MCF2L: variants seen among roughly 807,000 people sequenced by gnomAD.
The protein encoded by MCF2L is MCF.2 cell line derived transforming sequence like.
Under a neutral mutation model 153.4 loss-of-function variants are expected in MCF2L, and 97 were observed. The observed-to-expected ratio is 0.63, with a 90% CI of 0.54 to 0.75. The LOEUF (loss-of-function observed/expected upper bound fraction) is 0.75. MCF2L is among the 30% of genes least tolerant of loss of function. MCF2L has a pLI of 0.00. For missense variants in MCF2L, 1,347 were observed against 1,495.2 expected, an observed-to-expected ratio of 0.90 and a Z score of 1.64; for synonymous variants, 659 against 632.2, an observed-to-expected ratio of 1.04 and a Z score of -0.64.
rs906230462 is a variant in MCF2L at position 112,904,889 on chromosome 13, C to T, written c.169+2518C>T. On this transcript the variant is annotated intron_variant, in intron 2 of 29. Coordinates refer to the MCF2L transcript ENST00000375608. This position sits in a 1 kb window ranked among gnomAD's most constrained non-coding sequence, Gnocchi z 4.2. ...GTGATGAAACCTGTTTGTATCAGAACAATTTCGAAATCAGTGATAGTTTTT... is the reference window on the plus strand; with the variant it reads ...GTGATGAAACCTGTTTGTATCAGAATAATTTCGAAATCAGTGATAGTTTTT... 6.6e-6 allele frequency among the ~76,000 whole-genome samples: 1 copy of T among 152,226 alleles called. No individual in the cohort carries two copies. The highest frequency in any genetic ancestry group is 1.5e-5 in the Non-Finnish European group (1 of 68,038).
intron 2 of MCF2L, among the ~76,000 whole-genome samples, chr13:112,940,309 C>A (rs1053108300): frequency 6.6e-6 from 1 of 152,250 alleles, no homozygotes; most frequent in Non-Finnish European, 1.5e-5. Context: ...TTCACTGTCT[C>A]ATCTGTCTGG....
At position 113,097,251 on chromosome 13, in the gene MCF2L, G is replaced by C. The variant is rs2035740617; in HGVS notation, c.*392G>C. The C allele has an allele frequency of 1.0e-5, 2 of 192,734 alleles. No individual in the cohort carries two copies. Among genetic ancestry groups the C allele is most frequent in the Non-Finnish European group, 2.1e-5 (2 of 94,832 alleles). 11.9% of individuals were successfully genotyped at this position (192,734 alleles called of 1,614,324 possible). ...CAACGGCCTGAGGAGAGCGGGGCAC[G>C]GGGTCTCTTTAGCTTTTACAAGTTT... On this transcript the variant is annotated 3_prime_UTR_variant, in exon 30 of 30. Coordinates refer to ENST00000535094, the MANE Select transcript of MCF2L (RefSeq NM_001112732.3).
At chr13:113,052,600 GC>G in intron 4 of MCF2L, 1 of 165,940 alleles carries the variant, frequency 6.0e-6, no homozygotes. Context: ...AGATGCAGCT[GC>G]CCCACGCATG....
rs189397086 is a variant in MCF2L at position 113,022,468 on chromosome 13, C to T, written c.164-2176C>T. Among the ~76,000 whole-genome samples, 32 of 150,126 alleles carry T rather than the reference C, an allele frequency of 2.1e-4. No individual in the cohort carries two copies. The East Asian group carries it at 5.9e-3, about 28-fold the overall frequency. Reference sequence around the variant, plus strand: ...GGGGGTCTCACACACAGGCAGGGTCCGCCCCCAGCTGCCGTCGGCGTCACT... The same window carrying T: ...GGGGGTCTCACACACAGGCAGGGTCTGCCCCCAGCTGCCGTCGGCGTCACT... On this transcript the variant is annotated intron_variant, in intron 2 of 29. Transcript: ENST00000535094.
rs1245599500 is a variant in MCF2L at position 113,031,613 on chromosome 13, G to A, written c.278+6855G>A. Among the ~76,000 whole-genome samples, 2 of 152,100 alleles carry A rather than the reference G, an allele frequency of 1.3e-5. No homozygotes were observed. Among genetic ancestry groups the A allele is most frequent in the African/African-American group, 4.8e-5 (2 of 41,406 alleles). On this transcript the variant is annotated intron_variant, in intron 3 of 29. Transcript: ENST00000535094. The surrounding 1 kb of genome is among the most constrained non-coding windows in gnomAD (Gnocchi z 5.5). ...GGGTGGAGGGAGGAGCTGGGAGATGGGGAGGAGGGCGGCGGCCCTCAGAGA... is the reference window on the plus strand; with the variant it reads ...GGGTGGAGGGAGGAGCTGGGAGATGAGGAGGAGGGCGGCGGCCCTCAGAGA...
At chr13:112,967,998 T>C (rs948572042), upstream of MCF2L, 1 of 191,414 alleles carries the variant, frequency 5.2e-6, no homozygotes, top group African/African-American at 2.4e-5. Context: ...TGCTGGCGCA[T>C]GTGCACATGT....
At chr13:113,063,652 T>A (rs2031908421) in intron 5 of MCF2L, among the ~76,000 whole-genome samples, 1 of 152,176 alleles carries the variant, frequency 6.6e-6, no homozygotes, top group South Asian at 2.1e-4. Context: ...CACATCATGT[T>A]TTATTAAATA....
Position 113,064,880 on chromosome 13 carries a change from A to G in MCF2L, c.607-56A>G, listed in dbSNP as rs571934933. On this transcript the variant is annotated intron_variant, in intron 6 of 29. Coordinates refer to ENST00000535094, the MANE Select transcript of MCF2L (RefSeq NM_001112732.3). This position sits in a 1 kb window ranked among gnomAD's most constrained non-coding sequence, Gnocchi z 6.0. ...TTCCGCCGGTGTCTGCTTTCAGGGCAGCAGGAGGTGGGTGCAGTGCACAAG... is the reference window on the plus strand; with the variant it reads ...TTCCGCCGGTGTCTGCTTTCAGGGCGGCAGGAGGTGGGTGCAGTGCACAAG... 2,251 of 1,563,834 alleles carry G rather than the reference A, an allele frequency of 1.4e-3. 3 individuals carry two copies. The highest frequency in any genetic ancestry group is 1.8e-3 in the Non-Finnish European group (2,050 of 1,151,566).
At chr13:112,926,359 C>T (rs575789175) in intron 2 of MCF2L, among the ~76,000 whole-genome samples, 17 of 151,582 alleles carry the variant, frequency 1.1e-4, no homozygotes, top group Admixed American at 7.2e-4. Flanking sequence ...GAGTGCTGCA[C>T]GGCCTGGTCT....
intron 1 of MCF2L, among the ~76,000 whole-genome samples, chr13:112,972,686 G>A (rs1438108433): frequency 4.7e-5 from 6 of 128,278 alleles, no homozygotes; most frequent in African/African-American, 1.8e-4. Flanking sequence ...GGTAGATGGA[G>A]GGGTAGGTGG....
rs546918066 is a variant in MCF2L at position 112,960,529 on chromosome 13, C to T, written c.170-54234C>T. On this transcript the variant is annotated intron_variant, in intron 2 of 29. Coordinates refer to the MCF2L transcript ENST00000375608. The surrounding 1 kb of genome is among the most constrained non-coding windows in gnomAD (Gnocchi z 4.2). ...ATGCTGGAGTTTCTCTCCAAGGGGGCGGGATAGGCTGTCATTCTGGGGAAG... is the reference window on the plus strand; with the variant it reads ...ATGCTGGAGTTTCTCTCCAAGGGGGTGGGATAGGCTGTCATTCTGGGGAAG... Among the ~76,000 whole-genome samples the T allele has an allele frequency of 5.9e-5, 9 of 151,922 alleles. No homozygotes were observed. In the South Asian group the frequency reaches 6.3e-4, roughly 11 times the overall value.
intron 3 of MCF2L, among the ~76,000 whole-genome samples, chr13:113,033,319 TGTGGCGTGAGTGGCCCCC>T (rs2085891840): frequency 1.5e-3 from 23 of 14,878 alleles, no homozygotes; most frequent in East Asian, 8.7e-3. Context: ...GAGTGGCCCC[TGTGGCGTGAGTGGCCCCC>T]GTGACATTAG....
Position 113,060,615 on chromosome 13 carries a change from A to G in MCF2L, c.392A>G (p.Gln131Arg). ...CAGGCATCTTTCCCGGCAAACCTGC[A>G]GCTCGTCCTCGTGCTTCGCCCGACG... ...RIAASFPANL[Q>R]LVLVLRPTGF... The change falls in exon 5 of 30, where the codon CAG (glutamine) becomes CGG (arginine). Residue 131 changes from glutamine (Q) to arginine (R), a missense_variant. Physicochemically the swap from Gln to Arg is conservative, Grantham distance 43 (BLOSUM62 1). Coordinates refer to ENST00000535094, the MANE Select transcript of MCF2L (RefSeq NM_001112732.3). 6.2e-7 allele frequency: 1 copy of G among 1,613,468 alleles called. No homozygotes were observed. Among genetic ancestry groups the G allele is most frequent in the African/African-American group, 1.3e-5 (1 of 75,064 alleles).
chr13:112,924,016 C>T (rs530433376), intron 2 of MCF2L, among the ~76,000 whole-genome samples: 3 of 152,208 alleles, frequency 2.0e-5, no homozygotes, highest in Non-Finnish European at 2.9e-5. Flanking sequence ...TGTGTCCTTC[C>T]CAGAGCGTCC....
chr13:113,051,497 T>G (rs2087324100), intron 4 of MCF2L, among the ~76,000 whole-genome samples: 1 of 152,142 alleles, frequency 6.6e-6, no homozygotes, highest in Non-Finnish European at 1.5e-5. Flanking sequence ...TTGACAGCCT[T>G]GGGGTATCCA....
chr13:113,084,667 C>G (rs1382258262), intron 18 of MCF2L: 35 of 581,092 alleles, frequency 6.0e-5, no homozygotes, highest in Non-Finnish European at 1.0e-4. Flanking sequence ...GTCAGGGGCT[C>G]TGGGACAGGG....
Position 113,031,722 on chromosome 13 carries a change from ATGGGCCTGGCTCAAAGCTCC to A in MCF2L, c.278+6965_278+6984del, listed in dbSNP as rs571948518. ...AAGCTGATGATGACGCTTACTTTCC[ATGGGCCTGGCTCAAAGCTCC>A]CAGCTCCTTGGGAGGTAGGGACTCC... is the stretch of plus-strand genomic sequence containing the variant. On this transcript the variant is annotated intron_variant, in intron 3 of 29. Transcript: ENST00000535094. The surrounding 1 kb of genome is among the most constrained non-coding windows in gnomAD (Gnocchi z 5.5). Among the ~76,000 whole-genome samples the A allele has an allele frequency of 4.4e-3, 676 of 152,134 alleles. 23 individuals carry two copies. The East Asian group carries it at 0.091, about 21-fold the overall frequency.
chr13:113,058,283 T>C (rs1272327567), intron 4 of MCF2L, among the ~76,000 whole-genome samples: 13 of 150,142 alleles, frequency 8.7e-5, no homozygotes, highest in Admixed American at 8.6e-4. Context: ...GGGTGCTGAG[T>C]GTTTGGGCAC....
chr13:113,047,915 C>T (rs9577440), intron 4 of MCF2L, among the ~76,000 whole-genome samples: 672 of 45,318 alleles, frequency 0.015, 2 homozygotes, highest in African/African-American at 0.048. Flanking sequence ...CCGGCCCCTC[C>T]GCTGACGCCT....
Sources: allele counts gnomAD v4.1 joint callset (sites outside exome capture counted in the v4.1 genomes callset), GRCh38; gene constraint gnomAD v4.1.1; non-coding constraint Gnocchi (gnomAD v3.1); transcripts MANE v1.5; gene names NCBI Gene and HGNC (gene_info 2026-07-23, HGNC 2026-07-21).